The following RALGPS1 variants were observed in gnomAD, a reference collection of about 807,000 sequenced individuals.
The protein encoded by RALGPS1 is ras-specific guanine nucleotide-releasing factor RalGPS1.
Under a neutral mutation model 78.8 loss-of-function variants are expected in RALGPS1, and 19 were observed. The observed-to-expected ratio is 0.24, with a 90% CI of 0.17 to 0.35. The LOEUF is 0.35. Among genes scored for constraint, RALGPS1 ranks in the 10% least tolerant of loss-of-function variants. The pLI, the probability that RALGPS1 is intolerant of heterozygous loss-of-function variation, is 1.00. For synonymous variants in RALGPS1, 228 were observed against 256.3 expected (o/e 0.89, Z 1.06); for missense variants, 454 against 688.3 (o/e 0.66, Z 3.81).
intron 1 of RALGPS1, among the ~76,000 whole-genome samples, chr9:126,952,673 G>GTGTGTGTGTGTGTGTGTGTGTC (rs771422718): frequency 1.9e-5 from 2 of 106,906 alleles, no homozygotes; most frequent in African/African-American, 5.3e-5. Flanking sequence ...GTGTGTGTGT[G>GTGTGTGTGTGTGTGTGTGTGTC]TGTGTGTCTG....
At chr9:127,146,542 CTTTTTT>C (rs60707997) in intron 8 of RALGPS1, among the ~76,000 whole-genome samples, 3 of 130,838 alleles carry the variant, frequency 2.3e-5, no homozygotes, top group Non-Finnish European at 3.3e-5. Context: ...GTGCATGTGT[CTTTTTT>C]TTTTTTTTTT....
intron 14 of RALGPS1, 71 bp downstream of exon 14, chr9:127,199,137 C>CCGGG: frequency 6.8e-7 from 1 of 1,469,172 alleles, no homozygotes; most frequent in Non-Finnish European, 9.5e-7. Context: ...AAGACAGGCC[C>CCGGG]CGGGCAGGGA....
At chr9:126,949,735 T>G (rs1328491631) in intron 1 of RALGPS1, among the ~76,000 whole-genome samples, 2 of 152,090 alleles carry the variant, frequency 1.3e-5, no homozygotes, top group Non-Finnish European at 2.9e-5. Context: ...ATGAGTAGGT[T>G]GTGAAAATTT....
chr9:126,974,917 G>A (rs969427932), intron 3 of RALGPS1, among the ~76,000 whole-genome samples: 2 of 152,080 alleles, frequency 1.3e-5, no homozygotes, highest in African/African-American at 2.4e-5. Flanking sequence ...GCTATGAAGT[G>A]TGACAGGACC....
rs1236873546 is a variant in RALGPS1 at position 127,180,247 on chromosome 9, C to CAAATTTCCAGATTTTGTTA, written c.910+5465_910+5466insAAATTTCCAGATTTTGTTA. Among the ~76,000 whole-genome samples, 6 of 152,334 alleles carry CAAATTTCCAGATTTTGTTA rather than the reference C, an allele frequency of 3.9e-5. No homozygotes were observed. In the East Asian group the frequency reaches 1.2e-3, roughly 29 times the overall value. ...AGACATTTCCAGATTTTGTTAGCCC[C>CAAATTTCCAGATTTTGTTA]GCCTCCACGTGGCTTTACCAACTGA... On this transcript the variant is annotated intron_variant, in intron 11 of 18. Transcript: ENST00000259351.
At chr9:127,189,949 C>G (rs1371454214) in intron 11 of RALGPS1, among the ~76,000 whole-genome samples, 2 of 152,214 alleles carry the variant, frequency 1.3e-5, no homozygotes, top group East Asian at 3.8e-4. Flanking sequence ...TAGGTGGCCA[C>G]TATTTTTAAA....
chr9:127,020,581 G>T (rs1382114824), intron 4 of RALGPS1, among the ~76,000 whole-genome samples: 1 of 152,248 alleles, frequency 6.6e-6, no homozygotes, highest in Non-Finnish European at 1.5e-5. Flanking sequence ...TGTCATGTGT[G>T]TATATCACAG....
At position 127,218,487 on chromosome 9, in the gene RALGPS1, C is replaced by T. The variant is rs2062688332; in HGVS notation, c.1645-253C>T. On this transcript the variant is annotated intron_variant, in intron 18 of 18. Transcript: ENST00000259351. The surrounding 1 kb of genome is among the most constrained non-coding windows in gnomAD (Gnocchi z 4.4). ...CAGTTTCCTGTCTTTGTAATGAGGA[C>T]GATCCCAGTGCCTGCCCCAGGGGTT... is the stretch of plus-strand genomic sequence containing the variant. Among the ~76,000 whole-genome samples the T allele has an allele frequency of 1.3e-5, 2 of 152,200 alleles. No individual in the cohort carries two copies. Among genetic ancestry groups the T allele is most frequent in the South Asian group, 4.1e-4 (2 of 4,828 alleles).
intron 7 of RALGPS1, among the ~76,000 whole-genome samples, chr9:127,059,993 G>A (rs941455126): frequency 1.2e-4 from 18 of 152,076 alleles, no homozygotes; most frequent in Non-Finnish European, 1.8e-4. Flanking sequence ...GCCAAGAAAG[G>A]GAAGTCACCA....
At chr9:127,093,702 G>C (rs1437778181) in intron 8 of RALGPS1, 1 of 1,610,980 alleles carries the variant, frequency 6.2e-7, no homozygotes, top group South Asian at 1.1e-5. Flanking sequence ...TCACCTTGTG[G>C]GCAGCACAGA....
At chr9:127,034,346 G>A in intron 4 of RALGPS1, 85 bp from the exon 5 acceptor site, 1 of 1,206,670 alleles carries the variant, frequency 8.3e-7, no homozygotes, top group East Asian at 2.3e-5. Context: ...CCACCTTCAT[G>A]CATGCTCATG....
chr9:127,149,022 C>T (rs2058266058), intron 8 of RALGPS1, among the ~76,000 whole-genome samples: 1 of 152,218 alleles, frequency 6.6e-6, no homozygotes, highest in African/African-American at 2.4e-5. Flanking sequence ...TACACCTCCA[C>T]ATGAGGGAGG....
At chr9:127,099,150 C>A (rs2053469555) in intron 8 of RALGPS1, among the ~76,000 whole-genome samples, 1 of 152,196 alleles carries the variant, frequency 6.6e-6, no homozygotes, top group Admixed American at 6.5e-5. Context: ...CTTTTTATCC[C>A]CTGAGTCCAG....
chr9:126,924,337 G>C (rs1208587509), intron 1 of RALGPS1, among the ~76,000 whole-genome samples: 1 of 152,180 alleles, frequency 6.6e-6, no homozygotes, highest in Admixed American at 6.5e-5. Flanking sequence ...GTCCAGTGTT[G>C]GTGGCTAGTT....
intron 8 of RALGPS1, chr9:127,069,858 A>G (rs2050038810): frequency 6.6e-6 from 1 of 152,476 alleles, no homozygotes; most frequent in South Asian, 2.1e-4. Flanking sequence ...TTTGCTTCAT[A>G]TCTTATTGAT....
chr9:127,138,638 T>C (rs2057560609), intron 8 of RALGPS1, among the ~76,000 whole-genome samples: 2 of 151,912 alleles, frequency 1.3e-5, no homozygotes, highest in Admixed American at 1.3e-4. Flanking sequence ...AGCCACAGAA[T>C]CCTGTGGAGG....
chr9:127,177,618 A>T, intron 11 of RALGPS1, among the ~76,000 whole-genome samples: 1 of 152,050 alleles, frequency 6.6e-6, no homozygotes, highest in East Asian at 1.9e-4. Context: ...GCTGAGCAAC[A>T]CTGGCTCCCG....
At chr9:127,175,478 G>A (rs889195421) in intron 11 of RALGPS1, among the ~76,000 whole-genome samples, 2 of 152,106 alleles carry the variant, frequency 1.3e-5, no homozygotes, top group African/African-American at 2.4e-5. Context: ...ATTATTTAAT[G>A]GTTACTTTTT....
chr9:127,068,126 C>A (rs974912931), intron 7 of RALGPS1, among the ~76,000 whole-genome samples: 2 of 152,228 alleles, frequency 1.3e-5, no homozygotes, highest in Non-Finnish European at 2.9e-5. Context: ...GATACCTGTT[C>A]ATCCTGTATT....
Sources: allele counts gnomAD v4.1 joint callset (sites outside exome capture counted in the v4.1 genomes callset), GRCh38; gene constraint gnomAD v4.1.1; non-coding constraint Gnocchi (gnomAD v3.1); transcripts MANE v1.5; gene names NCBI Gene and HGNC (gene_info 2026-07-23, HGNC 2026-07-21).